HECW2: variants seen among roughly 807,000 people sequenced by gnomAD.
The protein encoded by HECW2 is HECT, C2 and WW domain containing E3 ubiquitin protein ligase 2.
Under a neutral mutation model 175.2 loss-of-function variants are expected in HECW2, and 61 were observed. The observed-to-expected ratio is 0.35, with a 90% CI of 0.28 to 0.43. The LOEUF (loss-of-function observed/expected upper bound fraction) is 0.43, where lower values mean the gene tolerates loss of function less well. Ranked by LOEUF, HECW2 falls within the 20% of genes least tolerant of loss-of-function variation. HECW2 has a pLI of 1.00. For synonymous variants in HECW2, 671 were observed against 731.0 expected, an observed-to-expected ratio of 0.92 and a Z score of 1.32; for missense variants, 1,524 against 2,000.5, an observed-to-expected ratio of 0.76 and a Z score of 4.54.
At chr2:196,511,371 T>C (rs114655897) in intron 1 of HECW2, among the ~76,000 whole-genome samples, 1,859 of 152,366 alleles carry the variant, frequency 0.012, 45 homozygotes, top group African/African-American at 0.043. Flanking sequence ...AAATGGACTT[T>C]AAATGAAGAT....
At chr2:196,334,186 C>T (rs6434841) in intron 4 of HECW2, among the ~76,000 whole-genome samples, 146,912 of 152,296 alleles carry the variant, frequency 0.96, 71,057 homozygotes, top group Middle Eastern at 1. Context: ...ATGGGTTCCC[C>T]GGAGAGTCGA....
chr2:196,353,777 T>C (rs1278717274), intron 2 of HECW2, among the ~76,000 whole-genome samples: 5 of 152,210 alleles, frequency 3.3e-5, no homozygotes, highest in Admixed American at 3.3e-4. Flanking sequence ...ATGTTGCCTT[T>C]TCCAATACTG....
intron 1 of HECW2, among the ~76,000 whole-genome samples, chr2:196,474,987 TAC>T (rs1415576738): frequency 6.6e-6 from 1 of 152,112 alleles, no homozygotes; most frequent in Non-Finnish European, 1.5e-5. Flanking sequence ...GCAGCATCGT[TAC>T]AGACGCTTAA....
chr2:196,221,788 A>G (rs989905140), intron 24 of HECW2, among the ~76,000 whole-genome samples: 2 of 152,112 alleles, frequency 1.3e-5, no homozygotes, highest in African/African-American at 4.8e-5. Context: ...CTGAACTTCT[A>G]GGCTCAACTG....
At chr2:196,330,794 G>C (rs1274736717) in intron 4 of HECW2, among the ~76,000 whole-genome samples, 1 of 152,078 alleles carries the variant, frequency 6.6e-6, no homozygotes, top group Non-Finnish European at 1.5e-5. Flanking sequence ...CTCCAACCCT[G>C]CTTCTTGGCT....
chr2:196,433,868 A>G (rs1157276191), intron 1 of HECW2, among the ~76,000 whole-genome samples: 2 of 152,236 alleles, frequency 1.3e-5, no homozygotes. Context: ...GACACATGCT[A>G]AATACAGTTG....
intron 1 of HECW2, among the ~76,000 whole-genome samples, chr2:196,470,960 T>G (rs1285127063): frequency 6.6e-6 from 1 of 150,764 alleles, no homozygotes; most frequent in East Asian, 1.9e-4. Context: ...AATAAACAGT[T>G]TACAAAAAAA....
intron 14 of HECW2, among the ~76,000 whole-genome samples, chr2:196,283,948 A>T (rs1199948940): frequency 6.6e-6 from 1 of 152,100 alleles, no homozygotes. Context: ...ATTTGAACCC[A>T]TGTTTCTGTC....
In HECW2 at chr2:196,253,993, T is replaced by A; in HGVS notation, c.3456A>T (p.Pro1152=). The A allele has an allele frequency of 6.2e-7, 1 of 1,614,016 alleles. No individual in the cohort carries two copies. The highest frequency in any genetic ancestry group is 8.5e-7 in the Non-Finnish European group (1 of 1,179,916). Residue 1152 remains proline (P), a synonymous_variant, in exon 19 of 29, where the codon CCA becomes CCT. Transcript: ENST00000644978. Reference sequence around the variant, plus strand: ...AGTAGCTGGGGTGGAGTAAGGCATGTGGAGGCACATACGACATTATCTCTT... The same window carrying A: ...AGTAGCTGGGGTGGAGTAAGGCATGAGGAGGCACATACGACATTATCTCTT... ...FEEEIMSYVP[P]HALLHPSYCQ...
At chr2:196,444,646 A>AATTAAATGACGTCCAATCC (rs1696132397) in intron 1 of HECW2, among the ~76,000 whole-genome samples, 2 of 152,212 alleles carry the variant, frequency 1.3e-5, no homozygotes, top group South Asian at 4.1e-4. Context: ...CCAATCAAGT[A>AATTAAATGACGTCCAATCC]AATGACGTAA....
At chr2:196,248,852 T>C (rs933711864) in intron 19 of HECW2, among the ~76,000 whole-genome samples, 1 of 152,200 alleles carries the variant, frequency 6.6e-6, no homozygotes, top group South Asian at 2.1e-4. Context: ...CAATCTTTAG[T>C]AAAGACCCAC....
At chr2:196,233,336 T>C (rs915495068) in intron 21 of HECW2, among the ~76,000 whole-genome samples, 2 of 152,164 alleles carry the variant, frequency 1.3e-5, no homozygotes, top group African/African-American at 4.8e-5. Context: ...ATTTTAAATA[T>C]CATCACATGG....
At chr2:196,394,007 C>A (rs974906611) in intron 2 of HECW2, among the ~76,000 whole-genome samples, 9 of 152,238 alleles carry the variant, frequency 5.9e-5, no homozygotes, top group African/African-American at 2.2e-4. Context: ...TTTGTAGGGA[C>A]ATGGATGAAG....
chr2:196,257,483 G>T (rs1349647918), intron 18 of HECW2, among the ~76,000 whole-genome samples: 1 of 152,184 alleles, frequency 6.6e-6, no homozygotes, highest in Non-Finnish European at 1.5e-5. Flanking sequence ...TAAACTGAAA[G>T]GGTAAACACT....
At chr2:196,258,206 C>T (rs1462629910) in intron 17 of HECW2, 1 of 288,688 alleles carries the variant, frequency 3.5e-6, no homozygotes. Flanking sequence ...CCAATAAAAT[C>T]AGTGTCTGCT....
At chr2:196,311,477 AC>A (rs1306853558) in intron 10 of HECW2, among the ~76,000 whole-genome samples, 2 of 152,168 alleles carry the variant, frequency 1.3e-5, no homozygotes, top group Non-Finnish European at 2.9e-5. Context: ...TTTCTCAGAG[AC>A]CATGAAATGG....
intron 28 of HECW2, among the ~76,000 whole-genome samples, 171 bp downstream of exon 28, chr2:196,215,694 A>G (rs543900481): frequency 6.6e-6 from 1 of 152,336 alleles, no homozygotes; most frequent in East Asian, 1.9e-4. Flanking sequence ...GTGTGACCAG[A>G]GAGATCTTTT....
chr2:196,388,571 G>C (rs1167660398), intron 2 of HECW2, among the ~76,000 whole-genome samples: 3 of 152,104 alleles, frequency 2.0e-5, no homozygotes, highest in Non-Finnish European at 2.9e-5. Flanking sequence ...TCAGTAGTAG[G>C]GCCCGAATTC....
At chr2:196,377,539 G>A (rs1414536023) in intron 2 of HECW2, among the ~76,000 whole-genome samples, 1 of 152,164 alleles carries the variant, frequency 6.6e-6, no homozygotes, top group African/African-American at 2.4e-5. Context: ...CAGATCTCAT[G>A]AGACTTATTC....
Sources: allele counts gnomAD v4.1 joint callset (sites outside exome capture counted in the v4.1 genomes callset), GRCh38; gene constraint gnomAD v4.1.1; transcripts MANE v1.5; gene names NCBI Gene and HGNC (gene_info 2026-07-23, HGNC 2026-07-21).